PALM2AKAP2: variants seen among roughly 807,000 people sequenced by gnomAD.
PALM2AKAP2 encodes the protein PALM2-AKAP2 fusion protein.
PALM2AKAP2 carries 37 observed loss-of-function variants against 71.5 expected under a neutral mutation model. That is an observed-to-expected ratio of 0.52 (90% CI 0.40 to 0.68). The LOEUF (loss-of-function observed/expected upper bound fraction) is 0.68. Ranked by LOEUF, PALM2AKAP2 falls within the 30% of genes least tolerant of loss-of-function variation. The probability of loss-of-function intolerance (pLI) is 0.00; values close to 1 mark genes in which losing one functional copy is unlikely to be tolerated. For synonymous variants in PALM2AKAP2, 468 were observed against 478.8 expected (o/e 0.98, Z 0.29); for missense variants, 1,224 against 1,191.8 (o/e 1.03, Z -0.40).
chr9:110,006,556 T>C (rs1832790051), intron 6 of PALM2AKAP2, among the ~76,000 whole-genome samples: 1 of 151,576 alleles, frequency 6.6e-6, no homozygotes, highest in Admixed American at 6.6e-5. Context: ...AGAGATGGGG[T>C]CTCGCCATGT....
upstream of PALM2AKAP2, among the ~76,000 whole-genome samples, chr9:110,045,102 G>A (rs981263261): frequency 6.6e-6 from 1 of 151,654 alleles, no homozygotes; most frequent in Non-Finnish European, 1.5e-5. Context: ...AAGTGGGCCA[G>A]CAGCATGGGA....
At chr9:109,840,712 T>C (rs1394781111) in intron 1 of PALM2AKAP2, among the ~76,000 whole-genome samples, 1 of 152,146 alleles carries the variant, frequency 6.6e-6, no homozygotes, top group Non-Finnish European at 1.5e-5. Flanking sequence ...GCAAAGGATA[T>C]GAACAGACAC....
At position 109,940,770 on chromosome 9, in the gene PALM2AKAP2, TA is replaced by T. The variant is rs374487974; in HGVS notation, c.496+8745del. Among the ~76,000 whole-genome samples the T allele has an allele frequency of 1.8e-3, 274 of 152,188 alleles. 1 individual carries two copies. The highest frequency in any genetic ancestry group is 5.9e-3 in the African/African-American group (244 of 41,526). The stretch of plus-strand genomic sequence containing the variant: ...GAGAAGTCGTTATGGCCACAATGTG[TA>T]AAGAATGAGAGAGCCCACAAGACAA... On this transcript the variant is annotated intron_variant, in intron 6 of 9. Transcript: ENST00000302798.
At chr9:110,100,464 A>G (rs1834969690) in intron 1 of PALM2AKAP2, among the ~76,000 whole-genome samples, 2 of 152,104 alleles carry the variant, frequency 1.3e-5, no homozygotes, top group South Asian at 2.1e-4. Flanking sequence ...TTTGGTTCCT[A>G]TAAGATGGTG....
intron 1 of PALM2AKAP2, among the ~76,000 whole-genome samples, chr9:109,652,921 A>G (rs998838081): frequency 2.6e-5 from 4 of 152,248 alleles, no homozygotes; most frequent in Non-Finnish European, 5.9e-5. Flanking sequence ...TTAGGAGTCC[A>G]GGGATTCTAA....
chr9:109,796,984 A>ATG (rs1446033900), intron 1 of PALM2AKAP2, among the ~76,000 whole-genome samples: 3 of 152,118 alleles, frequency 2.0e-5, no homozygotes, highest in African/African-American at 7.2e-5. Context: ...GGGTGGTAAA[A>ATG]ATAACCTTTA....
At chr9:109,930,574 G>C (rs866175353) in intron 5 of PALM2AKAP2, among the ~76,000 whole-genome samples, 1 of 152,160 alleles carries the variant, frequency 6.6e-6, no homozygotes, top group Non-Finnish European at 1.5e-5. Flanking sequence ...TGAACATAAT[G>C]GTCTAATGTC....
intron 1 of PALM2AKAP2, among the ~76,000 whole-genome samples, chr9:109,812,089 A>G (rs983931777): frequency 6.6e-6 from 1 of 152,224 alleles, no homozygotes; most frequent in Non-Finnish European, 1.5e-5. Context: ...CTGTTGACCC[A>G]TGAGGTTTCT....
intron 1 of PALM2AKAP2, among the ~76,000 whole-genome samples, chr9:109,774,323 T>C (rs1413518103): frequency 2.6e-5 from 4 of 152,218 alleles, no homozygotes; most frequent in African/African-American, 7.2e-5. Flanking sequence ...TTGTAGCTAA[T>C]TCATAGCCAA....
At chr9:110,095,984 G>A (rs1834826227) in intron 1 of PALM2AKAP2, among the ~76,000 whole-genome samples, 1 of 152,206 alleles carries the variant, frequency 6.6e-6, no homozygotes, top group Non-Finnish European at 1.5e-5. Flanking sequence ...TGAATCATCA[G>A]CCCTGTGATA....
In PALM2AKAP2 at chr9:110,162,146, T is replaced by C. The variant is rs769540938; in HGVS notation, c.2748+5649T>C. The C allele has an allele frequency of 3.7e-6, 6 of 1,613,892 alleles. No individual in the cohort carries two copies. In the South Asian group the frequency reaches 5.5e-5, roughly 15 times the overall value. ...GTGACTTCCGAGGTACTTTTCAATT[T>C]GTTTGTCTTGGTCTTACTGAATGCA... is the stretch of plus-strand genomic sequence containing the variant. On this transcript the variant is annotated intron_variant, in intron 3 of 3. Coordinates refer to ENST00000374525, the Ensembl canonical transcript of PALM2AKAP2.
At chr9:109,855,632 A>C (rs1829142553) in intron 1 of PALM2AKAP2, among the ~76,000 whole-genome samples, 1 of 152,160 alleles carries the variant, frequency 6.6e-6, no homozygotes, top group Admixed American at 6.5e-5. Flanking sequence ...ATATTTTCTC[A>C]TGTTTTCACT....
chr9:109,689,081 A>T (rs1487423631), intron 1 of PALM2AKAP2, among the ~76,000 whole-genome samples: 4 of 152,076 alleles, frequency 2.6e-5, no homozygotes, highest in African/African-American at 9.7e-5. Flanking sequence ...TTCCCATAAG[A>T]GGGCTAGTGG....
intron 2 of PALM2AKAP2, among the ~76,000 whole-genome samples, chr9:110,144,345 G>T (rs1836109036): frequency 6.6e-6 from 1 of 152,226 alleles, no homozygotes; most frequent in African/African-American, 2.4e-5. Flanking sequence ...TCCACAGATG[G>T]TTATTGTCCA....
intron 2 of PALM2AKAP2, among the ~76,000 whole-genome samples, chr9:109,876,055 T>C (rs770625780): frequency 6.6e-6 from 1 of 152,230 alleles, no homozygotes; most frequent in Non-Finnish European, 1.5e-5. Context: ...ACCTTATCTC[T>C]ACTAAAGCTA....
intron 3 of PALM2AKAP2, among the ~76,000 whole-genome samples, chr9:109,894,915 C>T (rs1317947954): frequency 6.6e-6 from 1 of 152,152 alleles, no homozygotes; most frequent in Non-Finnish European, 1.5e-5. Flanking sequence ...TGTGCCAAGC[C>T]TCCCTAAATG....
chr9:109,647,680 C>T (rs998496542), intron 1 of PALM2AKAP2, among the ~76,000 whole-genome samples: 7 of 152,130 alleles, frequency 4.6e-5, no homozygotes, highest in Non-Finnish European at 1.0e-4. Context: ...TGTCAGTGGT[C>T]GTGGTCTGTG....
intron 1 of PALM2AKAP2, among the ~76,000 whole-genome samples, chr9:109,846,600 C>G (rs1828866010): frequency 6.6e-6 from 1 of 152,232 alleles, no homozygotes. Flanking sequence ...CCTCCATGCT[C>G]TGGACATTCA....
At chr9:109,994,836 A>G (rs1283234246) in intron 6 of PALM2AKAP2, among the ~76,000 whole-genome samples, 1 of 152,136 alleles carries the variant, frequency 6.6e-6, no homozygotes, top group Non-Finnish European at 1.5e-5. Flanking sequence ...GAGCCCTGCC[A>G]TGGACCTGGT....
Sources: gnomAD v4.1 joint callset for allele counts (sites outside exome capture counted in the v4.1 genomes callset) on GRCh38, gnomAD v4.1.1 for gene constraint, MANE v1.5 for transcripts, NCBI Gene and HGNC (gene_info 2026-07-23, HGNC 2026-07-21) for gene names.